TCF12: variants seen among roughly 807,000 people sequenced by gnomAD.
TCF12 encodes the protein transcription factor 12, also known as DNA-binding protein HTF4.
In TCF12, 45 loss-of-function variants were observed where a neutral mutation model predicts 86.0. The observed-to-expected ratio is 0.52, with a 90% confidence interval of 0.41 to 0.67. The LOEUF (loss-of-function observed/expected upper bound fraction) is 0.67. TCF12 is among the 30% of genes least tolerant of loss of function. The pLI is 0.00. For missense variants in TCF12, 881 were observed against 859.9 expected, an observed-to-expected ratio of 1.02 and a Z score of -0.31; for synonymous variants, 330 against 299.6, an observed-to-expected ratio of 1.10 and a Z score of -1.05.
chr15:57,176,689 T>C (rs866889222), intron 6 of TCF12, among the ~76,000 whole-genome samples: 172 of 152,274 alleles, frequency 1.1e-3, no homozygotes, highest in African/African-American at 4.1e-3. Context: ...GATGTAGTGA[T>C]AAGAGAATAG....
chr15:57,191,431 C>G (rs1290739203), intron 6 of TCF12, among the ~76,000 whole-genome samples: 1 of 152,086 alleles, frequency 6.6e-6, no homozygotes, highest in Admixed American at 6.5e-5. Flanking sequence ...CCCCTGCATT[C>G]CAGCCTGAGT....
chr15:57,010,234 A>G (rs2566848), intron 3 of TCF12, among the ~76,000 whole-genome samples: 151,905 of 152,002 alleles, frequency 1, 75,904 homozygotes, highest in Non-Finnish European at 1. Context: ...GACTCAAGTC[A>G]AGAACATTGA....
At chr15:57,000,155 CT>C (rs56831184) in intron 3 of TCF12, among the ~76,000 whole-genome samples, 7,156 of 152,236 alleles carry the variant, frequency 0.047, 338 homozygotes, top group African/African-American at 0.13. Context: ...CTTTTGTAAT[CT>C]ACTTCATCTC....
chr15:57,268,763 A>G (rs1274664364), intron 18 of TCF12, among the ~76,000 whole-genome samples: 5 of 152,066 alleles, frequency 3.3e-5, no homozygotes, highest in Non-Finnish European at 5.9e-5. Context: ...ACAGAAATGT[A>G]GAAAATACAG....
chr15:57,123,680 A>C (rs62024365), intron 5 of TCF12, among the ~76,000 whole-genome samples: 1 of 151,918 alleles, frequency 6.6e-6, no homozygotes. Flanking sequence ...GGCCGGGTGC[A>C]GTGGCTCATG....
chr15:57,278,986 T>G (rs972871131), intron 19 of TCF12, among the ~76,000 whole-genome samples: 6 of 151,042 alleles, frequency 4.0e-5, no homozygotes, highest in Non-Finnish European at 8.8e-5. Context: ...TCTTGTATTT[T>G]CTTTTCTTTC....
At chr15:57,058,383 T>C (rs1423520302) in intron 3 of TCF12, among the ~76,000 whole-genome samples, 2 of 152,196 alleles carry the variant, frequency 1.3e-5, no homozygotes, top group Non-Finnish European at 2.9e-5. Context: ...TTTTCAAAAT[T>C]AGTCATTTTT....
At chr15:57,270,859 C>T (rs1197980552) in intron 18 of TCF12, among the ~76,000 whole-genome samples, 1 of 152,174 alleles carries the variant, frequency 6.6e-6, no homozygotes, top group Non-Finnish European at 1.5e-5. Context: ...TGGAGGTCCA[C>T]TCCAGACCCT....
chr15:57,093,089 A>G (rs1283762587), intron 5 of TCF12, among the ~76,000 whole-genome samples: 1 of 152,232 alleles, frequency 6.6e-6, no homozygotes, highest in Admixed American at 6.5e-5. Context: ...GACACAAGCA[A>G]TAAAACTTGT....
chr15:57,147,420 C>G (rs557955238), intron 5 of TCF12, among the ~76,000 whole-genome samples: 1 of 152,152 alleles, frequency 6.6e-6, no homozygotes, highest in South Asian at 2.1e-4. Flanking sequence ...TTCTGATCCC[C>G]AAATAGTTTG....
At chr15:57,028,348 T>G (rs1265211707) in intron 3 of TCF12, among the ~76,000 whole-genome samples, 1 of 146,226 alleles carries the variant, frequency 6.8e-6, no homozygotes, top group Admixed American at 6.7e-5. Flanking sequence ...TGTAACACAT[T>G]ATTGTTGCAG....
At chr15:56,929,943 G>A (rs907485990) in intron 3 of TCF12, among the ~76,000 whole-genome samples, 1 of 152,242 alleles carries the variant, frequency 6.6e-6, no homozygotes, top group South Asian at 2.1e-4. Context: ...AAGTCTCTCT[G>A]GAGGCGGCCT....
intron 20 of TCF12, among the ~76,000 whole-genome samples, chr15:57,283,174 C>T (rs1314513773): frequency 1.3e-5 from 2 of 152,078 alleles, no homozygotes; most frequent in Admixed American, 1.3e-4. Context: ...CCAGAATGCC[C>T]TTCTCTCTGG....
rs1275608386 is a variant in TCF12, at chr15:57,253,334, C to A, written c.1333C>A (p.Pro445Thr). Residue 445 changes from proline to threonine, a missense_variant, in exon 16 of 21, where the codon CCT becomes ACT. This residue lies in a region of TCF12 where 766 missense variants were observed against 718.9 expected (regional missense o/e 1.07). Transcript: ENST00000333725. ...TGTGCTGCGGAACCATGCTGTGGGACCTTCCACCAGTTTGCCTGCTGGTCA... is the reference window on the plus strand; with the variant it reads ...TGTGCTGCGGAACCATGCTGTGGGAACTTCCACCAGTTTGCCTGCTGGTCA... The part of the protein sequence containing the change: ...IHVLRNHAVG[P>T]STSLPAGHSD... 1.9e-6 allele frequency: 3 copies of A among 1,613,872 alleles called. No homozygotes were observed. The highest frequency in any genetic ancestry group is 2.5e-6 in the Non-Finnish European group (3 of 1,179,980).
At chr15:57,156,671 C>T (rs369421873) in intron 5 of TCF12, among the ~76,000 whole-genome samples, 23 of 152,304 alleles carry the variant, frequency 1.5e-4, no homozygotes, top group East Asian at 1.2e-3. Flanking sequence ...GTCCCTGGCA[C>T]GCAAACAACA....
At chr15:57,216,130 T>G (rs1460139626) in intron 8 of TCF12, among the ~76,000 whole-genome samples, 1 of 152,148 alleles carries the variant, frequency 6.6e-6, no homozygotes, top group African/African-American at 2.4e-5. Flanking sequence ...AAACATAACA[T>G]CCTGATAACA....
intron 1 of TCF12, chr15:56,919,658 G>A: frequency 2.9e-6 from 1 of 344,764 alleles, no homozygotes; most frequent in Non-Finnish European, 5.4e-6. Context: ...GCGAGTTGCG[G>A]GAGCCGCCGC....
chr15:57,252,927 CTTTTTTTTTTT>C (rs57946842), intron 15 of TCF12, among the ~76,000 whole-genome samples: 1 of 89,774 alleles, frequency 1.1e-5, no homozygotes, highest in Non-Finnish European at 2.3e-5. Flanking sequence ...ATAGGTTGTA[CTTTTTTTTTTT>C]TTTTTTTTTT....
At chr15:57,040,873 GTTA>G (rs1388973883) in intron 3 of TCF12, among the ~76,000 whole-genome samples, 1 of 152,104 alleles carries the variant, frequency 6.6e-6, no homozygotes. Flanking sequence ...TGTTGTGAAT[GTTA>G]TTATAGTCAA....
Sources: allele counts gnomAD v4.1 joint callset (sites outside exome capture counted in the v4.1 genomes callset), GRCh38; gene constraint gnomAD v4.1.1; regional missense constraint gnomAD v4.1.1; transcripts MANE v1.5; gene names NCBI Gene and HGNC (gene_info 2026-07-23, HGNC 2026-07-21).